The following OTUD7A variants were observed in gnomAD, a reference collection of about 807,000 sequenced individuals.
OTUD7A encodes OTU deubiquitinase 7A.
OTUD7A carries 12 observed loss-of-function variants against 65.7 expected under a neutral mutation model. That is an observed-to-expected ratio of 0.18 (90% CI 0.12 to 0.30). The LOEUF is 0.30. Among genes scored for constraint, OTUD7A ranks in the 10% least tolerant of loss-of-function variants. OTUD7A has a pLI of 1.00. For synonymous variants in OTUD7A, 641 were observed against 586.3 expected (o/e 1.09, Z -1.35); for missense variants, 1,148 against 1,304.8 (o/e 0.88, Z 1.85).
At chr15:31,682,607 A>G (rs1336502629) in intron 1 of OTUD7A, among the ~76,000 whole-genome samples, 8 of 152,366 alleles carry the variant, frequency 5.3e-5, no homozygotes, top group African/African-American at 1.4e-4. Context: ...TGGAGAAAAG[A>G]TAGACTTTTC....
chr15:31,855,203 G>C (rs1897537806), intron 1 of OTUD7A, among the ~76,000 whole-genome samples: 1 of 151,736 alleles, frequency 6.6e-6, no homozygotes. Flanking sequence ...AGCAATACCA[G>C]CATCCAGAAA....
Position 31,483,763 on chromosome 15 carries a change from A to G in OTUD7A, c.2333T>C (p.Val778Ala). The change falls in exon 13 of 13, where the codon GTC becomes GCC. Residue 778 changes from valine to alanine, a missense_variant. Coordinates refer to ENST00000307050, the MANE Select transcript of OTUD7A (RefSeq NM_001382637.1). The part of the protein sequence containing the change: ...RSPPAPARQS[V>A]IHVQASGARD... ...CGCGCCCGACGCCTGCACGTGGATG[A>G]CGCTCTGGCGCGCTGGCGCCGGGGG... is the stretch of plus-strand genomic sequence containing the variant. 10 of 1,076,208 alleles carry G rather than the reference A, an allele frequency of 9.3e-6. No homozygotes were observed. Among genetic ancestry groups the G allele is most frequent in the Non-Finnish European group, 1.1e-5 (10 of 891,306 alleles). 66.7% of individuals were successfully genotyped at this position (1,076,208 alleles called of 1,614,324 possible).
chr15:31,503,532 G>A (rs1380114019), intron 9 of OTUD7A, among the ~76,000 whole-genome samples, 159 bp downstream of exon 9: 1 of 152,332 alleles, frequency 6.6e-6, no homozygotes, highest in South Asian at 2.1e-4. Context: ...AATCTCTGCT[G>A]CCATCAGGGA....
intron 8 of OTUD7A, among the ~76,000 whole-genome samples, chr15:31,508,912 C>T (rs2041628110): frequency 6.6e-6 from 1 of 152,236 alleles, no homozygotes; most frequent in African/African-American, 2.4e-5. Flanking sequence ...CGCGTTGTGG[C>T]CTTGGGGATG....
chr15:31,539,948 G>T (rs996128137), intron 5 of OTUD7A, among the ~76,000 whole-genome samples: 10 of 152,122 alleles, frequency 6.6e-5, no homozygotes, highest in African/African-American at 1.7e-4. Flanking sequence ...ATTCTGTTCT[G>T]GTGCCAAAGA....
At chr15:31,778,227 T>C (rs866819918) in intron 1 of OTUD7A, among the ~76,000 whole-genome samples, 2 of 152,184 alleles carry the variant, frequency 1.3e-5, no homozygotes, top group South Asian at 4.1e-4. Flanking sequence ...AAGGCTGTTC[T>C]GCAGGAATTC....
intron 1 of OTUD7A, among the ~76,000 whole-genome samples, chr15:31,679,852 A>G (rs796779647): frequency 2.6e-5 from 4 of 152,356 alleles, no homozygotes; most frequent in African/African-American, 7.2e-5. Context: ...ACAAAGTTCT[A>G]TATGAGAAAA....
In OTUD7A at chr15:31,870,621, G is replaced by C. The variant is rs948051069; in HGVS notation, c.-214C>G. 3 of 147,360 alleles carry C rather than the reference G, an allele frequency of 2.0e-5. No homozygotes were observed. Among genetic ancestry groups the C allele is most frequent in the Admixed American group, 6.7e-5 (1 of 14,844 alleles). The allele number at this position is 147,360 out of a possible 1,614,324, so 9.1% of individuals were successfully genotyped here. A position where few individuals can be genotyped will look rare whatever the true frequency, so the allele number is the denominator to read the frequency against. On this transcript the variant is annotated 5_prime_UTR_variant, in exon 1 of 13. Coordinates refer to ENST00000307050, the MANE Select transcript of OTUD7A (RefSeq NM_001382637.1). ...CAGATCAGCTGTTTTGCTCCCGCTC[G>C]GGCTCCGCGGCCCCCTCCCCAGCTG...
At chr15:31,768,732 T>C (rs1263492111) in intron 1 of OTUD7A, among the ~76,000 whole-genome samples, 1 of 151,642 alleles carries the variant, frequency 6.6e-6, no homozygotes, top group Non-Finnish European at 1.5e-5. Flanking sequence ...ACCTACAACA[T>C]AAAGGGGGTG....
intron 1 of OTUD7A, among the ~76,000 whole-genome samples, chr15:31,671,069 G>A (rs773621747): frequency 2.6e-5 from 4 of 152,132 alleles, no homozygotes; most frequent in Non-Finnish European, 5.9e-5. Flanking sequence ...CTGTGCAGAA[G>A]CTCTTTAGTT....
Position 31,483,146 on chromosome 15 carries a change from A to G in OTUD7A, c.*148T>C, listed in dbSNP as rs751963306. The G allele has an allele frequency of 1.1e-5, 8 of 756,234 alleles. No homozygotes were observed. Among genetic ancestry groups the G allele is most frequent in the Non-Finnish European group, 1.3e-5 (8 of 612,702 alleles). 46.8% of individuals were successfully genotyped at this position (756,234 alleles called of 1,614,324 possible). A position where few individuals can be genotyped will look rare whatever the true frequency, so the allele number is the denominator to read the frequency against. On this transcript the variant is annotated 3_prime_UTR_variant, in exon 13 of 13. Coordinates refer to ENST00000307050, the MANE Select transcript of OTUD7A (RefSeq NM_001382637.1). ...TGGCGTCAGTGTAGGTTCAGGCACCATTAGGAACGTTTGACCAAACACGTA... is the reference window on the plus strand; with the variant it reads ...TGGCGTCAGTGTAGGTTCAGGCACCGTTAGGAACGTTTGACCAAACACGTA...
intron 1 of OTUD7A, among the ~76,000 whole-genome samples, chr15:31,802,131 G>GTATATA (rs1286066693): frequency 7.6e-6 from 1 of 131,208 alleles, no homozygotes; most frequent in African/African-American, 2.8e-5. Context: ...GTGTGTGTGT[G>GTATATA]TGTGTGTGTG....
At position 31,559,093 on chromosome 15, in the gene OTUD7A, G is replaced by A; in HGVS notation, c.426C>T (p.Phe142=). The A allele has an allele frequency of 6.2e-7, 1 of 1,613,566 alleles. No homozygotes were observed. The highest frequency in any genetic ancestry group is 8.5e-7 in the Non-Finnish European group (1 of 1,179,834). Residue 142 remains phenylalanine (F), a synonymous_variant, in exon 5 of 13, where the codon TTC becomes TTT. Transcript: ENST00000307050. ...ATGTGTAGATTGGCATCTCCAGGGGGAACTGCTCGTTGTTGCATTCACTTG... is the reference window on the plus strand; with the variant it reads ...ATGTGTAGATTGGCATCTCCAGGGGAAACTGCTCGTTGTTGCATTCACTTG... ...HVASECNNEQ[F]PLEMPIYTFQ...
At chr15:31,830,991 C>T (rs1334507472) in intron 1 of OTUD7A, among the ~76,000 whole-genome samples, 2 of 152,132 alleles carry the variant, frequency 1.3e-5, no homozygotes, top group Non-Finnish European at 2.9e-5. Flanking sequence ...AATAAAGGGC[C>T]CAGAAATAGA....
chr15:31,607,949 A>G (rs1385340262), intron 3 of OTUD7A, among the ~76,000 whole-genome samples: 2 of 152,338 alleles, frequency 1.3e-5, no homozygotes, highest in Non-Finnish European at 2.9e-5. Flanking sequence ...TTAATATGGT[A>G]GATGTTAAAG....
At chr15:31,765,676 T>C (rs1227514542) in intron 1 of OTUD7A, 7 of 753,286 alleles carry the variant, frequency 9.3e-6, no homozygotes, top group Non-Finnish European at 1.3e-5. Flanking sequence ...TCCTTTTGAG[T>C]AGCTACATTC....
At chr15:31,562,059 T>A (rs1401960295) in intron 4 of OTUD7A, among the ~76,000 whole-genome samples, 1 of 152,258 alleles carries the variant, frequency 6.6e-6, no homozygotes, top group Admixed American at 6.5e-5. Flanking sequence ...TCTTGCCATG[T>A]TGCCCTGTCT....
intron 1 of OTUD7A, among the ~76,000 whole-genome samples, chr15:31,845,751 G>A (rs1475748843): frequency 6.6e-6 from 1 of 152,238 alleles, no homozygotes; most frequent in Non-Finnish European, 1.5e-5. Context: ...CCAGGACCCA[G>A]TGGTATTCTA....
At chr15:31,815,423 G>A (rs1449206333) in intron 1 of OTUD7A, among the ~76,000 whole-genome samples, 1 of 152,192 alleles carries the variant, frequency 6.6e-6, no homozygotes, top group Non-Finnish European at 1.5e-5. Context: ...CATCCCTCAA[G>A]GGTGGCTGGG....
Sources: gnomAD v4.1 joint callset for allele counts (sites outside exome capture counted in the v4.1 genomes callset) on GRCh38, gnomAD v4.1.1 for gene constraint, MANE v1.5 for transcripts, NCBI Gene and HGNC (gene_info 2026-07-23, HGNC 2026-07-21) for gene names.